DNAH8: variants seen among roughly 807,000 people sequenced by gnomAD.
The protein encoded by DNAH8 is dynein axonemal heavy chain 8, also known as axonemal beta dynein heavy chain 8.
Under a neutral mutation model 562.1 loss-of-function variants are expected in DNAH8, and 382 were observed. The observed-to-expected ratio is 0.68, with a 90% confidence interval of 0.63 to 0.74. DNAH8 has a LOEUF of 0.74. Ranked by LOEUF, DNAH8 falls within the 30% of genes least tolerant of loss-of-function variation. The pLI is 0.00. For synonymous variants in DNAH8, 1,881 were observed against 1,919.4 expected (o/e 0.98, Z 0.52); for missense variants, 5,203 against 5,620.4 (o/e 0.93, Z 2.37).
chr6:38,757,133 A>G (rs1279325306), intron 10 of DNAH8, among the ~76,000 whole-genome samples: 1 of 152,030 alleles, frequency 6.6e-6, no homozygotes, highest in Non-Finnish European at 1.5e-5. Context: ...TTACAGTCCC[A>G]CCAACAGTGT....
intron 88 of DNAH8, among the ~76,000 whole-genome samples, 179 bp from the exon 89 acceptor site, chr6:39,008,635 G>A (rs994668110): frequency 1.3e-5 from 2 of 151,430 alleles, no homozygotes; most frequent in African/African-American, 4.8e-5. Flanking sequence ...TTAGGAGGCA[G>A]TAGAATGGAT....
At chr6:38,779,868 A>G in intron 14 of DNAH8, 98 bp from the exon 15 acceptor site, 1 of 1,161,918 alleles carries the variant, frequency 8.6e-7, no homozygotes, top group East Asian at 2.5e-5. Flanking sequence ...GGCTGGTATG[A>G]ATATTTGTCA....
intron 91 of DNAH8, among the ~76,000 whole-genome samples, chr6:39,025,468 A>G (rs1767210060): frequency 6.6e-6 from 1 of 152,228 alleles, no homozygotes; most frequent in Non-Finnish European, 1.5e-5. Flanking sequence ...GAGCAATGAA[A>G]GCATGACCAT....
Position 38,882,955 on chromosome 6 carries a change from C to A in DNAH8, c.7904C>A (p.Pro2635Gln). 1 of 1,603,466 alleles carries A rather than the reference C, an allele frequency of 6.2e-7. No individual in the cohort carries two copies. The highest frequency in any genetic ancestry group is 1.1e-5 in the South Asian group (1 of 88,052). The change falls in exon 54 of 93, where the codon CCA becomes CAA. Residue 2635 changes from proline to glutamine, a missense_variant. Pro to Gln is a moderately conservative substitution (Grantham distance 76). Transcript: ENST00000327475. ...AAGAAACTTCAGCCTTATTATTATC[C>A]AACTGACAGTATTCCGGAATATTCA... ...WNKKLQPYYY[P>Q]TDSIPEYSSI...
At chr6:38,977,721 C>T (rs1473738145) in intron 85 of DNAH8, among the ~76,000 whole-genome samples, 1 of 152,200 alleles carries the variant, frequency 6.6e-6, no homozygotes, top group Non-Finnish European at 1.5e-5. Flanking sequence ...TAGCCACTTC[C>T]TAACACCTCC....
chr6:39,026,803 A>G, intron 92 of DNAH8, 136 bp downstream of exon 92: 1 of 852,204 alleles, frequency 1.2e-6, no homozygotes, highest in Non-Finnish European at 1.8e-6. Context: ...TCATAGCCAG[A>G]AGACATCAGT....
chr6:38,938,453 A>G (rs578175589), intron 78 of DNAH8, among the ~76,000 whole-genome samples: 2 of 152,324 alleles, frequency 1.3e-5, no homozygotes, highest in African/African-American at 2.4e-5. Flanking sequence ...ACATGGATGA[A>G]GCTGGAGGCC....
At chr6:38,822,715 T>C (rs1215905064) in intron 26 of DNAH8, 123 bp from the exon 27 acceptor site, 1 of 719,652 alleles carries the variant, frequency 1.4e-6, no homozygotes, top group Non-Finnish European at 2.1e-6. Flanking sequence ...AAATAGCTCT[T>C]AGTTTCTTGG....
At chr6:38,795,619 G>C (rs567014049) in intron 21 of DNAH8, among the ~76,000 whole-genome samples, 94 of 151,972 alleles carry the variant, frequency 6.2e-4, no homozygotes, top group African/African-American at 2.2e-3. Flanking sequence ...GATGCAGGAG[G>C]CAGAATTCTG....
At chr6:38,902,268 G>A (rs1043921095) in intron 62 of DNAH8, among the ~76,000 whole-genome samples, 4 of 152,254 alleles carry the variant, frequency 2.6e-5, no homozygotes, top group African/African-American at 7.2e-5. Flanking sequence ...AGCTCCTCCA[G>A]GAGAGTACCT....
intron 62 of DNAH8, among the ~76,000 whole-genome samples, chr6:38,903,535 C>T (rs139633514): frequency 0.014 from 2,189 of 152,082 alleles, 43 homozygotes; most frequent in African/African-American, 0.05. Flanking sequence ...CATTTCAACA[C>T]GAGATTTGGA....
intron 28 of DNAH8, among the ~76,000 whole-genome samples, chr6:38,825,785 T>C (rs559857710): frequency 1.3e-5 from 2 of 152,084 alleles, no homozygotes; most frequent in African/African-American, 4.8e-5. Flanking sequence ...CACAAAACAA[T>C]AGATTTCACT....
chr6:38,762,048 C>T (rs911442366), intron 11 of DNAH8, among the ~76,000 whole-genome samples: 2 of 152,176 alleles, frequency 1.3e-5, no homozygotes, highest in Non-Finnish European at 2.9e-5. Flanking sequence ...TTCATACGCT[C>T]TGGCCCCTAC....
chr6:38,824,733 C>T (rs373231402), intron 28 of DNAH8, among the ~76,000 whole-genome samples: 13 of 152,010 alleles, frequency 8.6e-5, no homozygotes, highest in Non-Finnish European at 1.3e-4. Context: ...ATCCACCTCA[C>T]GAAATGCTTT....
intron 1 of DNAH8, among the ~76,000 whole-genome samples, chr6:38,717,559 G>A (rs1416831403): frequency 2.0e-5 from 3 of 151,228 alleles, no homozygotes. Flanking sequence ...TCCTGAGCTT[G>A]AGCTCAGGAG....
At chr6:38,922,932 A>G in intron 71 of DNAH8, 126 bp from the exon 72 acceptor site, 1 of 936,892 alleles carries the variant, frequency 1.1e-6, no homozygotes, top group South Asian at 1.8e-5. Context: ...TGCACACTGT[A>G]TTTTTAGGTT....
intron 74 of DNAH8, among the ~76,000 whole-genome samples, chr6:38,927,682 C>A (rs908296948): frequency 1.3e-5 from 2 of 152,112 alleles, no homozygotes; most frequent in African/African-American, 4.8e-5. Flanking sequence ...ATTCTTGGAA[C>A]CTTGCCTGGA....
chr6:38,879,470 A>G (rs564192424), intron 53 of DNAH8, among the ~76,000 whole-genome samples: 1 of 152,348 alleles, frequency 6.6e-6, no homozygotes, highest in African/African-American at 2.4e-5. Flanking sequence ...ATAAGACTAA[A>G]AACTAAGCAA....
intron 15 of DNAH8, among the ~76,000 whole-genome samples, chr6:38,780,639 T>C (rs928111124): frequency 1.3e-5 from 2 of 152,048 alleles, no homozygotes; most frequent in African/African-American, 4.8e-5. Flanking sequence ...GAGCTAAACA[T>C]TGAGTACACA....
Sources: allele counts gnomAD v4.1 joint callset (sites outside exome capture counted in the v4.1 genomes callset), GRCh38; gene constraint gnomAD v4.1.1; transcripts MANE v1.5; gene names NCBI Gene and HGNC (gene_info 2026-07-23, HGNC 2026-07-21).